TBC1D19: variants seen among roughly 807,000 people sequenced by gnomAD.
The protein encoded by TBC1D19 is TBC1 domain family member 19.
Under a neutral mutation model 89.0 loss-of-function variants are expected in TBC1D19, and 60 were observed. The ratio of observed to expected loss-of-function variants is 0.67; its 90% confidence interval spans 0.55 to 0.84. TBC1D19 has a LOEUF of 0.84. Among genes scored for constraint, TBC1D19 ranks in the 40% least tolerant of loss-of-function variants. The probability of loss-of-function intolerance (pLI) is 0.00; values close to 1 mark genes in which losing one functional copy is unlikely to be tolerated. For synonymous variants in TBC1D19, 189 were observed against 199.7 expected (o/e 0.95, Z 0.45); for missense variants, 500 against 610.8 (o/e 0.82, Z 1.91).
rs56037009 is a variant in TBC1D19 at position 26,693,123 on chromosome 4, T to TA, written c.954+4733dup. Among the ~76,000 whole-genome samples the TA allele has an allele frequency of 7.5e-3, 1,015 of 136,164 alleles. 15 individuals carry two copies. Among genetic ancestry groups the TA allele is most frequent in the African/African-American group, 0.027 (980 of 36,812 alleles). The allele number at this position is 136,164 out of a possible 152,430, so 89.3% of individuals were successfully genotyped here. On this transcript the variant is annotated intron_variant, in intron 13 of 20. Coordinates refer to ENST00000264866, the MANE Select transcript of TBC1D19 (RefSeq NM_018317.4). Reference sequence around the variant, plus strand: ...CCTGGGTGACAGAGCAAGACTGTCTTAAAAAAAAAAAAAAAAACCCTGCTA... The same window carrying TA: ...CCTGGGTGACAGAGCAAGACTGTCTTAAAAAAAAAAAAAAAAAACCCTGCTA...
chr4:26,756,252 CTTTG>C (rs2109341313), downstream of TBC1D19, among the ~76,000 whole-genome samples: 1 of 152,254 alleles, frequency 6.6e-6, no homozygotes, highest in East Asian at 1.9e-4. Flanking sequence ...CTTTGTCATT[CTTTG>C]TTTGCAAATG....
chr4:26,629,777 G>T (rs1020762209), intron 4 of TBC1D19, among the ~76,000 whole-genome samples: 1 of 151,774 alleles, frequency 6.6e-6, no homozygotes, highest in East Asian at 1.9e-4. Flanking sequence ...ATAGGAAAAG[G>T]CATACATTAT....
chr4:26,709,631 T>C (rs1716006040), intron 13 of TBC1D19, among the ~76,000 whole-genome samples: 1 of 151,726 alleles, frequency 6.6e-6, no homozygotes, highest in African/African-American at 2.4e-5. Context: ...GGGATTGGGG[T>C]GGGTGATGCA....
chr4:26,747,980 G>A (rs1160622002), intron 18 of TBC1D19, among the ~76,000 whole-genome samples: 1 of 152,092 alleles, frequency 6.6e-6, no homozygotes. Flanking sequence ...TGACTGAAAT[G>A]TAGAAAATAA....
At chr4:26,602,905 C>T (rs897693358) in intron 1 of TBC1D19, among the ~76,000 whole-genome samples, 4 of 152,108 alleles carry the variant, frequency 2.6e-5, no homozygotes, top group African/African-American at 9.7e-5. Context: ...GGAAAGTGCA[C>T]ATAAGGCACT....
intron 3 of TBC1D19, among the ~76,000 whole-genome samples, chr4:26,618,019 G>A (rs1741805759): frequency 6.6e-6 from 1 of 152,132 alleles, no homozygotes; most frequent in Non-Finnish European, 1.5e-5. Context: ...CATGGCTTTC[G>A]CTGGGAGAGT....
At chr4:26,809,524 C>T in the TBC1D19 span, among the ~76,000 whole-genome samples, 1 of 152,158 alleles carries the variant, frequency 6.6e-6, no homozygotes, top group African/African-American at 2.4e-5. Flanking sequence ...TGGCTCTCAC[C>T]CTATTCCACC....
Position 26,598,480 on chromosome 4 carries a change from C to T in TBC1D19, c.99+14188C>T, listed in dbSNP as rs1010752263. 5.9e-5 allele frequency among the ~76,000 whole-genome samples: 9 copies of T among 152,254 alleles called. No homozygotes were observed. The South Asian group carries it at 1.0e-3, about 18-fold the overall frequency. On this transcript the variant is annotated intron_variant, in intron 1 of 20. Coordinates refer to ENST00000264866, the MANE Select transcript of TBC1D19 (RefSeq NM_018317.4). Reference sequence around the variant, plus strand: ...CACGACCTTGGCTCACTGCAAGCTCCGCCTCCCGGTTTCACGCCATTCTCC... The same window carrying T: ...CACGACCTTGGCTCACTGCAAGCTCTGCCTCCCGGTTTCACGCCATTCTCC...
At chr4:26,692,995 G>A (rs1454863638) in intron 13 of TBC1D19, among the ~76,000 whole-genome samples, 2 of 152,082 alleles carry the variant, frequency 1.3e-5, no homozygotes, top group East Asian at 3.9e-4. Flanking sequence ...GCTTGGTGGT[G>A]CATGCCTGTA....
intron 1 of TBC1D19, chr4:26,585,211 A>C (rs1188230171): frequency 2.2e-6 from 1 of 444,572 alleles, no homozygotes; most frequent in African/African-American, 2.0e-5. Context: ...ATTCTATGAG[A>C]AACTGTCACA....
chr4:26,844,848 G>T, the TBC1D19 span, among the ~76,000 whole-genome samples: 3 of 152,140 alleles, frequency 2.0e-5, no homozygotes. Context: ...TTCTTGTGTG[G>T]GTGGAAGGAT....
At chr4:26,752,630 A>G (rs1314123719) in intron 19 of TBC1D19, among the ~76,000 whole-genome samples, 1 of 152,176 alleles carries the variant, frequency 6.6e-6, no homozygotes, top group Non-Finnish European at 1.5e-5. Context: ...TGATGGAGAG[A>G]AAAGGAGATA....
chr4:26,591,514 C>T, intron 1 of TBC1D19, among the ~76,000 whole-genome samples: 2 of 151,972 alleles, frequency 1.3e-5, no homozygotes, highest in Admixed American at 1.3e-4. Context: ...AACAGAGACA[C>T]AAAAAAACCC....
the TBC1D19 span, among the ~76,000 whole-genome samples, chr4:26,803,859 C>T: frequency 7.1e-6 from 1 of 141,182 alleles, no homozygotes; most frequent in Non-Finnish European, 1.5e-5. Context: ...TTTGCAGGGC[C>T]TTCTGAACAA....
At chr4:26,852,821 G>T in the TBC1D19 span, among the ~76,000 whole-genome samples, 2 of 152,008 alleles carry the variant, frequency 1.3e-5, no homozygotes, top group African/African-American at 2.4e-5. Flanking sequence ...GGGTTTCACC[G>T]CGTTAGCCAG....
intron 1 of TBC1D19, among the ~76,000 whole-genome samples, chr4:26,578,735 C>G (rs1739016396): frequency 6.6e-6 from 1 of 152,160 alleles, no homozygotes; most frequent in South Asian, 2.1e-4. Context: ...CCTAGAAAAA[C>G]TAGAACATCA....
the TBC1D19 span, among the ~76,000 whole-genome samples, chr4:26,774,596 G>T: frequency 6.6e-6 from 1 of 151,928 alleles, no homozygotes; most frequent in Non-Finnish European, 1.5e-5. Flanking sequence ...TTTCAATTTT[G>T]GATTGTTATA....
chr4:26,805,592 C>T, the TBC1D19 span, among the ~76,000 whole-genome samples: 1 of 152,180 alleles, frequency 6.6e-6, no homozygotes, highest in Non-Finnish European at 1.5e-5. Flanking sequence ...TCACCCTTCA[C>T]ATCCATCAGC....
intron 20 of TBC1D19, 139 bp downstream of exon 20, chr4:26,754,029 G>C (rs1406886906): frequency 1.3e-6 from 1 of 743,192 alleles, no homozygotes; most frequent in Non-Finnish European, 2.2e-6. Flanking sequence ...TAAGTTCTGA[G>C]CTAATAATAC....
Sources: allele counts gnomAD v4.1 joint callset (sites outside exome capture counted in the v4.1 genomes callset), GRCh38; gene constraint gnomAD v4.1.1; transcripts MANE v1.5; gene names NCBI Gene and HGNC (gene_info 2026-07-23, HGNC 2026-07-21).